CLIC6: variants seen among roughly 807,000 people sequenced by gnomAD.
The protein encoded by CLIC6 is chloride intracellular channel protein 6.
CLIC6 carries 39 observed loss-of-function variants against 49.2 expected under a neutral mutation model. That is an observed-to-expected ratio of 0.79 (90% CI 0.61 to 1.04). The LOEUF is 1.04. Ranked by LOEUF, CLIC6 falls within the 50% of genes least tolerant of loss-of-function variation. The pLI is 0.00. For missense variants in CLIC6, 988 were observed against 993.1 expected (o/e 0.99, Z 0.07); for synonymous variants, 446 against 433.4 (o/e 1.03, Z -0.36).
chr21:34,715,801 C>A (rs2056082243), intron 5 of CLIC6, among the ~76,000 whole-genome samples: 1 of 152,230 alleles, frequency 6.6e-6, no homozygotes, highest in Non-Finnish European at 1.5e-5. Flanking sequence ...CTCCTCCGCA[C>A]AGGCGGGCCC....
In CLIC6 at chr21:34,669,605, G is replaced by A; in HGVS notation, c.217G>A (p.Ala73Thr). The A allele has an allele frequency of 1.6e-6, 2 of 1,271,116 alleles. No homozygotes were observed. The highest frequency in any genetic ancestry group is 2.0e-6 in the Non-Finnish European group (2 of 1,011,876). The allele number at this position is 1,271,116 out of a possible 1,614,324, so 78.7% of individuals were successfully genotyped here. A position where few individuals can be genotyped will look rare whatever the true frequency, so the allele number is the denominator to read the frequency against. The change falls in exon 1 of 6, where the codon GCG (alanine) becomes ACG (threonine). Residue 73 changes from alanine to threonine, a missense_variant. Ala to Thr is a moderately conservative substitution (Grantham distance 58). Around this residue, in one of 3 missense-constraint regions of CLIC6, gnomAD observed 284 missense variants for 278.6 expected, o/e 1.02. Transcript: ENST00000349499. ...GGPDRGPEAE[A>T]RGTRGAHGET... ...GCCAGACAGGGGCCCGGAGGCCGAGGCGCGGGGCACGAGGGGGGCGCACGG... is the reference window on the plus strand; with the variant it reads ...GCCAGACAGGGGCCCGGAGGCCGAGACGCGGGGCACGAGGGGGGCGCACGG...
At chr21:34,707,437 GCACACA>G (rs10657933) in intron 2 of CLIC6, 48 bp downstream of exon 2, 136 of 736,580 alleles carry the variant, frequency 1.8e-4, no homozygotes, top group Non-Finnish European at 2.3e-4. Context: ...CTAGTTCTCT[GCACACA>G]CACACACACA....
intron 5 of CLIC6, among the ~76,000 whole-genome samples, chr21:34,711,439 C>T (rs964353693): frequency 2.6e-5 from 4 of 151,846 alleles, no homozygotes; most frequent in East Asian, 1.9e-4. Context: ...GGCTGAGGCA[C>T]GAGAATCATT....
rs1399310016 is a variant in CLIC6, at chr21:34,670,532, AG to A, written c.1147del (p.Glu383ArgfsTer50). 6.7e-7 allele frequency: 1 copy of A among 1,500,706 alleles called. No homozygotes were observed. The highest frequency in any genetic ancestry group is 1.4e-5 in the African/African-American group (1 of 70,884). 93.0% of individuals were successfully genotyped at this position (1,500,706 alleles called of 1,614,324 possible). A position where few individuals can be genotyped will look rare whatever the true frequency, so the allele number is the denominator to read the frequency against. On this transcript the variant is annotated frameshift_variant, in exon 1 of 6. Transcript: ENST00000349499. LOFTEE classifies it high-confidence loss of function. Reference sequence around the variant, plus strand: ...ACGAGAGCGGAGCCCGGAGGGGCCAAGGGAGGAGGAAGCAGCGGGGGGCGAA... The same window carrying A: ...ACGAGAGCGGAGCCCGGAGGGGCCAAGGAGGAGGAAGCAGCGGGGGGCGAA... Reference protein sequence around the residue: ...ERRERSPEGPREEEAAGGEEE... With the variant: ...ERRERSPEGPXEEEAAGGEEE...
chr21:34,680,857 C>T (rs1410954520), intron 1 of CLIC6, among the ~76,000 whole-genome samples: 9 of 152,246 alleles, frequency 5.9e-5, no homozygotes, highest in Non-Finnish European at 1.2e-4. Context: ...TTTGAACTTT[C>T]CCACAGCTTC....
intron 1 of CLIC6, among the ~76,000 whole-genome samples, chr21:34,686,834 C>T (rs1476795944): frequency 6.6e-6 from 1 of 152,100 alleles, no homozygotes; most frequent in African/African-American, 2.4e-5. Flanking sequence ...GCTGTCTTGG[C>T]CCCCTCAGAC....
rs1311368418 is a variant in CLIC6, at chr21:34,669,594, C to T, written c.206C>T (p.Pro69Leu). 7.9e-7 allele frequency: 1 copy of T among 1,269,610 alleles called. No homozygotes were observed. Among genetic ancestry groups the T allele is most frequent in the Non-Finnish European group, 9.9e-7 (1 of 1,011,290 alleles). 78.6% of individuals were successfully genotyped at this position (1,269,610 alleles called of 1,614,324 possible). A position where few individuals can be genotyped will look rare whatever the true frequency, so the allele number is the denominator to read the frequency against. ...EAGGGGPDRG[P>L]EAEARGTRGA... ...GGAGGCGGCGGGCCAGACAGGGGCC[C>T]GGAGGCCGAGGCGCGGGGCACGAGG... is the stretch of plus-strand genomic sequence containing the variant. Residue 69 changes from proline to leucine, a missense_variant, in exon 1 of 6, where the codon CCG (proline) becomes CTG (leucine). Around this residue, in one of 3 missense-constraint regions of CLIC6, gnomAD observed 284 missense variants for 278.6 expected, o/e 1.02. Transcript: ENST00000349499.
chr21:34,702,986 C>A (rs1012274116), intron 1 of CLIC6, among the ~76,000 whole-genome samples: 48 of 152,062 alleles, frequency 3.2e-4, no homozygotes, highest in African/African-American at 1.1e-3. Context: ...GCCTGAAGTC[C>A]CCCTGGCACG....
rs567289813 is a variant in CLIC6 at position 34,674,405 on chromosome 21, T to G, written c.1374+3643T>G. Among the ~76,000 whole-genome samples the G allele has an allele frequency of 3.9e-5, 6 of 152,358 alleles. No individual in the cohort carries two copies. The South Asian group carries it at 1.2e-3, about 32-fold the overall frequency. ...CCATGCCTGGCCTCTCTTCCTATTT[T>G]GTTAAAAATAAATATATTGGTTACA... is the stretch of plus-strand genomic sequence containing the variant. On this transcript the variant is annotated intron_variant, in intron 1 of 5. Transcript: ENST00000349499.
At chr21:34,680,620 C>T (rs1011048430) in intron 1 of CLIC6, among the ~76,000 whole-genome samples, 1 of 152,172 alleles carries the variant, frequency 6.6e-6, no homozygotes, top group African/African-American at 2.4e-5. Flanking sequence ...TTAGAAATTT[C>T]TTCCACCAGA....
intron 1 of CLIC6, among the ~76,000 whole-genome samples, chr21:34,695,985 G>T (rs1006642065): frequency 6.6e-6 from 1 of 152,210 alleles, no homozygotes; most frequent in Non-Finnish European, 1.5e-5. Context: ...CCTGGTTTCT[G>T]CATGTGGATG....
intron 5 of CLIC6, among the ~76,000 whole-genome samples, chr21:34,712,652 C>A (rs879394676): frequency 9.9e-5 from 15 of 152,220 alleles, no homozygotes; most frequent in Admixed American, 9.8e-4. Flanking sequence ...TGTGACCCAG[C>A]ACCTAATCCA....
chr21:34,694,911 C>T (rs1379986043), intron 1 of CLIC6, among the ~76,000 whole-genome samples: 5 of 152,222 alleles, frequency 3.3e-5, no homozygotes, highest in African/African-American at 1.2e-4. Context: ...TCAGGGTTTC[C>T]TCCCTCTGCA....
At chr21:34,678,807 T>G (rs1040363943) in intron 1 of CLIC6, among the ~76,000 whole-genome samples, 13 of 152,204 alleles carry the variant, frequency 8.5e-5, no homozygotes, top group Non-Finnish European at 1.0e-4. Context: ...TACATTGGAA[T>G]AGTAAAATTT....
intron 1 of CLIC6, chr21:34,705,990 A>T (rs777598451): frequency 4.5e-6 from 3 of 661,436 alleles, no homozygotes. Flanking sequence ...TATATTTTTT[A>T]AATTACTATT....
intron 1 of CLIC6, among the ~76,000 whole-genome samples, chr21:34,685,570 A>C (rs1989861687): frequency 2.0e-5 from 3 of 152,116 alleles, no homozygotes; most frequent in Admixed American, 2.0e-4. Context: ...TCCGGGTTGG[A>C]TGTCTTCAAC....
intron 1 of CLIC6, among the ~76,000 whole-genome samples, chr21:34,689,452 T>G (rs1381810420): frequency 6.6e-6 from 1 of 152,232 alleles, no homozygotes; most frequent in Non-Finnish European, 1.5e-5. Context: ...CGGTCTGTGT[T>G]TCAAACCACG....
At chr21:34,697,770 C>T (rs1990113531) in intron 1 of CLIC6, among the ~76,000 whole-genome samples, 1 of 152,160 alleles carries the variant, frequency 6.6e-6, no homozygotes, top group East Asian at 1.9e-4. Flanking sequence ...AGAAAGGAGC[C>T]CCTGACAGGC....
intron 1 of CLIC6, among the ~76,000 whole-genome samples, chr21:34,691,432 G>C (rs1327374004): frequency 6.6e-6 from 1 of 151,956 alleles, no homozygotes; most frequent in Admixed American, 6.6e-5. Flanking sequence ...ATGCACTCCT[G>C]GTTGATTCTT....
Sources: gnomAD v4.1 joint callset for allele counts (sites outside exome capture counted in the v4.1 genomes callset) on GRCh38, gnomAD v4.1.1 for gene constraint, gnomAD v4.1.1 regional missense constraint, MANE v1.5 for transcripts, NCBI Gene and HGNC (gene_info 2026-07-23, HGNC 2026-07-21) for gene names.